GULP1: variants seen among roughly 807,000 people sequenced by gnomAD.
The protein encoded by GULP1 is PTB domain-containing engulfment adapter protein 1.
GULP1 carries 19 observed loss-of-function variants against 40.9 expected under a neutral mutation model. That is an observed-to-expected ratio of 0.46 (90% confidence interval 0.32 to 0.68). GULP1 has a LOEUF of 0.68. GULP1 is among the 30% of genes least tolerant of loss of function. The pLI is 0.03. For synonymous variants in GULP1, 119 were observed against 117.6 expected (o/e 1.01, Z -0.08); for missense variants, 312 against 362.2 (o/e 0.86, Z 1.12).
At chr2:188,373,953 C>G (rs1283253874) in intron 1 of GULP1, among the ~76,000 whole-genome samples, 3 of 151,910 alleles carry the variant, frequency 2.0e-5, no homozygotes, top group African/African-American at 7.2e-5. Context: ...AAAAATTGGT[C>G]TCCTCTACTA....
intron 1 of GULP1, among the ~76,000 whole-genome samples, chr2:188,312,808 A>G (rs377178418): frequency 3.3e-5 from 5 of 151,906 alleles, no homozygotes; most frequent in Admixed American, 2.0e-4. Flanking sequence ...GCCAGCATCT[A>G]TTGTTTCCTG....
intron 2 of GULP1, among the ~76,000 whole-genome samples, chr2:188,394,023 A>C (rs1185326318): frequency 6.6e-6 from 1 of 152,106 alleles, no homozygotes; most frequent in Non-Finnish European, 1.5e-5. Context: ...TTTTGCAATA[A>C]ATCTCCCAGG....
chr2:188,444,593 C>T (rs2058224275), intron 2 of GULP1, among the ~76,000 whole-genome samples: 1 of 152,196 alleles, frequency 6.6e-6, no homozygotes, highest in African/African-American at 2.4e-5. Context: ...TTGGGTCACT[C>T]CTTTCTCTCA....
chr2:188,568,997 T>C (rs1384435545), intron 7 of GULP1, among the ~76,000 whole-genome samples: 1 of 152,100 alleles, frequency 6.6e-6, no homozygotes, highest in African/African-American at 2.4e-5. Context: ...CTTCAACAGC[T>C]ATTCAGTAAT....
intron 2 of GULP1, among the ~76,000 whole-genome samples, chr2:188,444,571 C>T (rs2058221674): frequency 6.6e-6 from 1 of 152,142 alleles, no homozygotes; most frequent in Non-Finnish European, 1.5e-5. Context: ...GTGATTTCTG[C>T]TTTCCTGAAC....
At chr2:188,311,091 T>G (rs756506545) in intron 1 of GULP1, among the ~76,000 whole-genome samples, 1 of 152,160 alleles carries the variant, frequency 6.6e-6, no homozygotes, top group Non-Finnish European at 1.5e-5. Context: ...CCTGGCAAAA[T>G]GAGTTTCAAT....
intron 2 of GULP1, among the ~76,000 whole-genome samples, chr2:188,387,657 A>G (rs1011986005): frequency 9.2e-5 from 14 of 152,146 alleles, no homozygotes; most frequent in African/African-American, 2.9e-4. Context: ...CAAACATTTA[A>G]ATGGAGAGTC....
At chr2:188,528,949 G>T in intron 5 of GULP1, 148 bp from the exon 6 acceptor site, 2 of 511,298 alleles carry the variant, frequency 3.9e-6, no homozygotes. Flanking sequence ...TAAATATATT[G>T]AGACTATCTT....
intron 1 of GULP1, among the ~76,000 whole-genome samples, chr2:188,322,745 A>G (rs1231115168): frequency 6.6e-6 from 1 of 152,100 alleles, no homozygotes; most frequent in African/African-American, 2.4e-5. Context: ...TTTATGGCTG[A>G]GTAGTACGTC....
chr2:188,580,501 C>G (rs1213440844), intron 9 of GULP1, among the ~76,000 whole-genome samples: 2 of 148,874 alleles, frequency 1.3e-5, no homozygotes, highest in Admixed American at 6.7e-5. Flanking sequence ...TGCAGTGAGC[C>G]GAGATCCCGC....
intron 4 of GULP1, among the ~76,000 whole-genome samples, chr2:188,493,505 C>T (rs901056390): frequency 2.0e-5 from 3 of 151,934 alleles, no homozygotes; most frequent in African/African-American, 7.2e-5. Flanking sequence ...TCTTTTACAC[C>T]CACAACTTAA....
intron 1 of GULP1, among the ~76,000 whole-genome samples, chr2:188,376,694 C>G (rs1011351341): frequency 6.6e-6 from 1 of 152,078 alleles, no homozygotes; most frequent in Non-Finnish European, 1.5e-5. Context: ...ATAAAATTTG[C>G]CAAATTGTCA....
chr2:188,362,323 T>A (rs1247276877), intron 1 of GULP1, among the ~76,000 whole-genome samples: 2 of 152,186 alleles, frequency 1.3e-5, no homozygotes, highest in Non-Finnish European at 2.9e-5. Context: ...TGTTTAGTCC[T>A]ATGGAACCAT....
intron 1 of GULP1, among the ~76,000 whole-genome samples, chr2:188,366,503 C>T (rs1277287329): frequency 6.6e-6 from 1 of 151,864 alleles, no homozygotes; most frequent in African/African-American, 2.4e-5. Flanking sequence ...TCTTCCGTCA[C>T]CTTTTGATTC....
intron 9 of GULP1, among the ~76,000 whole-genome samples, chr2:188,577,828 A>G (rs1310723684): frequency 1.3e-5 from 2 of 152,102 alleles, no homozygotes; most frequent in Non-Finnish European, 2.9e-5. Context: ...GTGATATTGA[A>G]GATACATTAT....
chr2:188,484,167 C>A (rs1476911317), intron 4 of GULP1, among the ~76,000 whole-genome samples: 3 of 152,138 alleles, frequency 2.0e-5, no homozygotes, highest in Non-Finnish European at 4.4e-5. Flanking sequence ...CTCAGCCCCC[C>A]AAAGTGCTGG....
chr2:188,554,203 T>C lies in GULP1; in HGVS notation c.399+12885T>C, dbSNP rs902508551. 3.9e-5 allele frequency among the ~76,000 whole-genome samples: 6 copies of C among 152,106 alleles called. No individual in the cohort carries two copies. In the East Asian group the frequency reaches 1.2e-3, roughly 29 times the overall value. ...ATGTTAATTTTGGGTTGGTTTGTTC[T>C]TACTTTCCTAGTTCCTTAAGGTATA... On this transcript the variant is annotated intron_variant, in intron 7 of 11. Coordinates refer to ENST00000409830, the MANE Select transcript of GULP1 (RefSeq NM_016315.4).
chr2:188,347,663 G>C (rs1478234187), intron 1 of GULP1, among the ~76,000 whole-genome samples: 1 of 148,960 alleles, frequency 6.7e-6, no homozygotes, highest in Non-Finnish European at 1.5e-5. Context: ...ACCCAGGCTG[G>C]AGTGCTGTAG....
At chr2:188,531,737 G>A (rs1374314020) in intron 6 of GULP1, among the ~76,000 whole-genome samples, 2 of 152,100 alleles carry the variant, frequency 1.3e-5, no homozygotes, top group Non-Finnish European at 2.9e-5. Context: ...AAATTCATTA[G>A]GCAATTAGCA....
Sources: allele counts gnomAD v4.1 joint callset (sites outside exome capture counted in the v4.1 genomes callset), GRCh38; gene constraint gnomAD v4.1.1; transcripts MANE v1.5; gene names NCBI Gene and HGNC (gene_info 2026-07-23, HGNC 2026-07-21).